The following SENP7 variants were observed in gnomAD, a reference collection of about 807,000 sequenced individuals.
SENP7 encodes SUMO specific peptidase 7.
SENP7 carries 64 observed loss-of-function variants against 141.2 expected under a neutral mutation model. The ratio of observed to expected loss-of-function variants is 0.45; its 90% CI spans 0.37 to 0.56. The LOEUF (loss-of-function observed/expected upper bound fraction) is 0.56. Ranked by LOEUF, SENP7 falls within the 20% of genes least tolerant of loss-of-function variation. The probability of loss-of-function intolerance (pLI) is 0.00; values close to 1 mark genes in which losing one functional copy is unlikely to be tolerated. For missense variants in SENP7, 1,025 were observed against 1,212.2 expected (o/e 0.85, Z 2.29); for synonymous variants, 382 against 426.4 (o/e 0.90, Z 1.28).
At chr3:101,383,131 T>G (rs2060551709) in intron 6 of SENP7, among the ~76,000 whole-genome samples, 5 of 152,180 alleles carry the variant, frequency 3.3e-5, no homozygotes, top group Admixed American at 6.5e-5. Context: ...GAGAGGTGTT[T>G]AGGTCATGGG....
intron 6 of SENP7, among the ~76,000 whole-genome samples, chr3:101,398,212 C>A (rs2107575740): frequency 6.6e-6 from 1 of 152,326 alleles, no homozygotes; most frequent in East Asian, 1.9e-4. Flanking sequence ...GTAATGCCAG[C>A]CCTTTGGGAG....
At chr3:101,407,419 A>T (rs569694276) in intron 5 of SENP7, among the ~76,000 whole-genome samples, 1 of 152,352 alleles carries the variant, frequency 6.6e-6, no homozygotes, top group Non-Finnish European at 1.5e-5. Flanking sequence ...TTTAAACTAT[A>T]CACTGGAACA....
chr3:101,500,767 G>A (rs1269646475), intron 2 of SENP7, among the ~76,000 whole-genome samples: 1 of 152,084 alleles, frequency 6.6e-6, no homozygotes, highest in African/African-American at 2.4e-5. Flanking sequence ...AATGCACATT[G>A]GTACTCTAAT....
chr3:101,375,467 G>T (rs995727439), intron 6 of SENP7, among the ~76,000 whole-genome samples: 1 of 148,626 alleles, frequency 6.7e-6, no homozygotes, highest in Non-Finnish European at 1.5e-5. Flanking sequence ...GCTTGAACCC[G>T]GGAGGCGGAG....
At chr3:101,505,523 T>C (rs559149722) in intron 1 of SENP7, among the ~76,000 whole-genome samples, 24 of 152,192 alleles carry the variant, frequency 1.6e-4, no homozygotes, top group Admixed American at 5.2e-4. Context: ...TGTTTTTTTC[T>C]TCTTGGCCAA....
chr3:101,373,606 T>C (rs1387205054), intron 6 of SENP7, among the ~76,000 whole-genome samples: 2 of 152,160 alleles, frequency 1.3e-5, no homozygotes, highest in Non-Finnish European at 2.9e-5. Context: ...AAAAGTTATA[T>C]GGTTGTAGAA....
At chr3:101,414,987 G>C (rs1350198210) in intron 5 of SENP7, among the ~76,000 whole-genome samples, 3 of 152,200 alleles carry the variant, frequency 2.0e-5, no homozygotes, top group Admixed American at 2.0e-4. Flanking sequence ...TGGCAGGTTA[G>C]AGTTGGTGGA....
At chr3:101,364,378 AGAGG>A (rs2059982319) in intron 10 of SENP7, among the ~76,000 whole-genome samples, 1 of 152,244 alleles carries the variant, frequency 6.6e-6, no homozygotes, top group Non-Finnish European at 1.5e-5. Flanking sequence ...ATGAAGAGGC[AGAGG>A]ACTTACCAAA....
chr3:101,389,498 A>C (rs760100928), intron 6 of SENP7, among the ~76,000 whole-genome samples: 11 of 152,144 alleles, frequency 7.2e-5, no homozygotes, highest in Non-Finnish European at 1.3e-4. Flanking sequence ...GAGATGATAT[A>C]TTCAAAGTAC....
chr3:101,453,353 A>G (rs2063221873), intron 4 of SENP7, among the ~76,000 whole-genome samples: 1 of 152,240 alleles, frequency 6.6e-6, no homozygotes, highest in African/African-American at 2.4e-5. Flanking sequence ...TGACCCAGCC[A>G]TCCCACTACT....
intron 4 of SENP7, among the ~76,000 whole-genome samples, chr3:101,458,362 T>C (rs1230960055): frequency 6.6e-6 from 1 of 152,242 alleles, no homozygotes; most frequent in Non-Finnish European, 1.5e-5. Context: ...GAAAATTCAA[T>C]ACTCTTTTTA....
chr3:101,325,925 C>A lies in SENP7; in HGVS notation c.*18G>T. On this transcript the variant is annotated 3_prime_UTR_variant, in exon 24 of 24. Coordinates refer to ENST00000394095, the MANE Select transcript of SENP7 (RefSeq NM_020654.5). ...CAGTAATCTTAGAGAACATCTGTGT[C>A]ATGTTTGTACAGATTAACTAGCTAC... 6.4e-7 allele frequency: 1 copy of A among 1,569,354 alleles called. No homozygotes were observed. Among genetic ancestry groups the A allele is most frequent in the Non-Finnish European group, 8.6e-7 (1 of 1,159,644 alleles).
chr3:101,332,950 C>T (rs2068494), intron 17 of SENP7, 88 bp from the exon 18 acceptor site: 508,071 of 1,266,424 alleles, frequency 0.4, 104,867 homozygotes, highest in Admixed American at 0.56. Flanking sequence ...ATTGAAATAT[C>T]TTAAATTTAG....
chr3:101,380,445 C>T (rs59097333), intron 6 of SENP7, among the ~76,000 whole-genome samples: 1 of 128,826 alleles, frequency 7.8e-6, no homozygotes, highest in Non-Finnish European at 1.7e-5. Context: ...GCCCCCCCCC[C>T]CACACACACA....
At chr3:101,475,017 G>A (rs969257292) in intron 3 of SENP7, among the ~76,000 whole-genome samples, 1 of 152,120 alleles carries the variant, frequency 6.6e-6, no homozygotes, top group East Asian at 1.9e-4. Flanking sequence ...AAAGTGAAGG[G>A]ATGTGATGGA....
chr3:101,436,599 A>G (rs2062397784), intron 4 of SENP7, among the ~76,000 whole-genome samples: 1 of 152,200 alleles, frequency 6.6e-6, no homozygotes. Flanking sequence ...AATGTGAGCA[A>G]AAAAATAGGC....
intron 6 of SENP7, among the ~76,000 whole-genome samples, chr3:101,397,373 T>A (rs1230604906): frequency 6.6e-6 from 1 of 152,146 alleles, no homozygotes; most frequent in Admixed American, 6.5e-5. Flanking sequence ...CCTCAAGTGA[T>A]CCTCGTGCCT....
chr3:101,470,082 T>G (rs969930723), intron 3 of SENP7, among the ~76,000 whole-genome samples: 2 of 152,074 alleles, frequency 1.3e-5, no homozygotes, highest in African/African-American at 4.8e-5. Context: ...AAGCAGTGTG[T>G]AGAGGGAAAT....
At chr3:101,351,176 A>T (rs889501463) in intron 12 of SENP7, among the ~76,000 whole-genome samples, 1 of 151,958 alleles carries the variant, frequency 6.6e-6, no homozygotes, top group African/African-American at 2.4e-5. Context: ...GAATGAGAAA[A>T]TGGTGTGAGT....
Sources: gnomAD v4.1 joint callset for allele counts (sites outside exome capture counted in the v4.1 genomes callset) on GRCh38, gnomAD v4.1.1 for gene constraint, MANE v1.5 for transcripts, NCBI Gene and HGNC (gene_info 2026-07-23, HGNC 2026-07-21) for gene names.